MC2R: variants seen among roughly 807,000 people sequenced by gnomAD.
MC2R encodes the protein melanocortin 2 receptor, also known as adrenocorticotropic hormone receptor.
MC2R carries 9 observed loss-of-function variants against 9.8 expected under a neutral mutation model. The observed-to-expected ratio is 0.92, with a 90% confidence interval of 0.55 to 1.60. The LOEUF (loss-of-function observed/expected upper bound fraction) is 1.60, where lower values mean the gene tolerates loss of function less well. Among genes scored for constraint, MC2R ranks in the 40% most tolerant of loss-of-function variants. The probability of loss-of-function intolerance (pLI) is 0.00; values close to 1 mark genes in which losing one functional copy is unlikely to be tolerated. For missense variants in MC2R, 370 were observed against 389.0 expected (o/e 0.95, Z 0.41); for synonymous variants, 185 against 154.7 (o/e 1.20, Z -1.45).
intron 1 of MC2R, among the ~76,000 whole-genome samples, chr18:13,909,738 C>T (rs2045433980): frequency 6.6e-6 from 1 of 152,160 alleles, no homozygotes; most frequent in Non-Finnish European, 1.5e-5. Flanking sequence ...ATCGCTGTGG[C>T]TTTCTGGAAC....
intron 1 of MC2R, among the ~76,000 whole-genome samples, chr18:13,906,052 G>T (rs2045412406): frequency 6.6e-6 from 1 of 152,106 alleles, no homozygotes. Context: ...CCACCCTGGT[G>T]ACAGAGTAAG....
At chr18:13,885,719 G>T in intron 1 of MC2R, 73 bp from the exon 2 acceptor site, 1 of 604,808 alleles carries the variant, frequency 1.7e-6, no homozygotes, top group South Asian at 2.0e-5. Flanking sequence ...CTCGCTTAAA[G>T]AAACTCTATT....
intron 1 of MC2R, among the ~76,000 whole-genome samples, chr18:13,912,505 G>A (rs974392283): frequency 1.3e-5 from 2 of 152,154 alleles, no homozygotes; most frequent in Non-Finnish European, 2.9e-5. Context: ...GCTGTGGGAG[G>A]AGCTGGGAAC....
intron 1 of MC2R, among the ~76,000 whole-genome samples, chr18:13,893,812 A>G (rs1175498090): frequency 6.6e-6 from 1 of 152,238 alleles, no homozygotes; most frequent in Non-Finnish European, 1.5e-5. Context: ...ACTGACGTGG[A>G]GAGGCTGAGT....
At chr18:13,890,893 A>C (rs2045312150) in intron 1 of MC2R, among the ~76,000 whole-genome samples, 1 of 152,178 alleles carries the variant, frequency 6.6e-6, no homozygotes, top group South Asian at 2.1e-4. Flanking sequence ...AGATGATGGG[A>C]TTAGCAATGC....
chr18:13,912,198 A>G (rs1272205507), intron 1 of MC2R, among the ~76,000 whole-genome samples: 2 of 152,182 alleles, frequency 1.3e-5, no homozygotes, highest in Non-Finnish European at 2.9e-5. Context: ...TTCTCTTGCA[A>G]TGTTAAAGGT....
At chr18:13,898,233 T>A (rs2149139571) in intron 1 of MC2R, among the ~76,000 whole-genome samples, 1 of 152,306 alleles carries the variant, frequency 6.6e-6, no homozygotes, top group Admixed American at 6.5e-5. Context: ...GGTGGTAGGC[T>A]GGCAGTGTTC....
At chr18:13,894,218 T>G (rs1234752707) in intron 1 of MC2R, among the ~76,000 whole-genome samples, 1 of 152,116 alleles carries the variant, frequency 6.6e-6, no homozygotes, top group African/African-American at 2.4e-5. Context: ...AAAGTTTGAT[T>G]AGTGACAGGT....
chr18:13,892,846 A>ACC (rs1191516632), intron 1 of MC2R, among the ~76,000 whole-genome samples: 1 of 142,398 alleles, frequency 7.0e-6, no homozygotes, highest in Non-Finnish European at 1.5e-5. Flanking sequence ...ACACACACAC[A>ACC]CCACACACAC....
intron 1 of MC2R, among the ~76,000 whole-genome samples, chr18:13,906,093 AT>A (rs2045412696): frequency 6.6e-6 from 1 of 152,170 alleles, no homozygotes; most frequent in African/African-American, 2.4e-5. Flanking sequence ...AAAGAAAAAA[AT>A]ATATAAATCA....
intron 1 of MC2R, among the ~76,000 whole-genome samples, chr18:13,894,999 A>G (rs2045337902): frequency 6.6e-6 from 1 of 152,222 alleles, no homozygotes; most frequent in African/African-American, 2.4e-5. Context: ...CTTTAAGTGT[A>G]GATGTCTTGT....
rs1412054860 is a variant in MC2R, at chr18:13,885,626, A to C, written c.-108T>G. The C allele has an allele frequency of 1.6e-6, 2 of 1,269,806 alleles. No homozygotes were observed. The highest frequency in any genetic ancestry group is 2.3e-6 in the Non-Finnish European group (2 of 886,914). 78.7% of individuals were successfully genotyped at this position (1,269,806 alleles called of 1,614,324 possible). On this transcript the variant is annotated 5_prime_UTR_variant, in exon 2 of 2. Transcript: ENST00000327606. ...TCCTTGTAGCACTTGCTGGAGATCT[A>C]AGTTAAAATCTCCCAATCACCTAAA...
At chr18:13,906,671 C>A (rs1224060076) in intron 1 of MC2R, among the ~76,000 whole-genome samples, 2 of 152,116 alleles carry the variant, frequency 1.3e-5, no homozygotes, top group Non-Finnish European at 2.9e-5. Context: ...AGCTGACAAA[C>A]AAATTCAGTA....
intron 1 of MC2R, among the ~76,000 whole-genome samples, chr18:13,895,420 C>T (rs1230539452): frequency 6.6e-6 from 1 of 152,086 alleles, no homozygotes; most frequent in South Asian, 2.1e-4. Flanking sequence ...CTGCAGAGTC[C>T]CTGAAAACAG....
rs28926186 is a variant in MC2R, at chr18:13,882,963, C to CCAT, written c.*1659_*1661dup. The CCAT allele has an allele frequency of 6.6e-6, 1 of 152,198 alleles. No individual in the cohort carries two copies. Among genetic ancestry groups the CCAT allele is most frequent in the Admixed American group, 6.5e-5 (1 of 15,282 alleles). 9.4% of individuals were successfully genotyped at this position (152,198 alleles called of 1,614,324 possible). A position where few individuals can be genotyped will look rare whatever the true frequency, so the allele number is the denominator to read the frequency against. On this transcript the variant is annotated 3_prime_UTR_variant, in exon 2 of 2. Transcript: ENST00000327606. Reference sequence around the variant, plus strand: ...GGACAAGAAGGTGCACCTTTCACCTCCATCTGTGGGACAGGCCATGTGAAA... The same window carrying CCAT: ...GGACAAGAAGGTGCACCTTTCACCTCCATCATCTGTGGGACAGGCCATGTGAAA...
At chr18:13,890,517 T>G (rs1279979093) in intron 1 of MC2R, among the ~76,000 whole-genome samples, 4 of 152,114 alleles carry the variant, frequency 2.6e-5, no homozygotes, top group East Asian at 1.9e-4. Context: ...GTGGGAGCTG[T>G]CACGCGGCTG....
At position 13,885,630 on chromosome 18, in the gene MC2R, T is replaced by A; in HGVS notation, c.-112A>T. On this transcript the variant is annotated 5_prime_UTR_variant, in exon 2 of 2. Transcript: ENST00000327606. ...TGTAGCACTTGCTGGAGATCTAAGT[T>A]AAAATCTCCCAATCACCTAAAAGGG... The A allele has an allele frequency of 8.1e-7, 1 of 1,227,732 alleles. No homozygotes were observed. The highest frequency in any genetic ancestry group is 1.2e-6 in the Non-Finnish European group (1 of 850,136). The allele number at this position is 1,227,732 out of a possible 1,614,324, so 76.1% of individuals were successfully genotyped here.
At chr18:13,887,154 C>T (rs1212840492) in intron 1 of MC2R, among the ~76,000 whole-genome samples, 2 of 150,250 alleles carry the variant, frequency 1.3e-5, no homozygotes, top group East Asian at 2.0e-4. Context: ...GTCCCACCTG[C>T]TGGGGAAGCC....
intron 1 of MC2R, among the ~76,000 whole-genome samples, chr18:13,897,856 G>A (rs1160929872): frequency 1.3e-5 from 2 of 151,862 alleles, no homozygotes; most frequent in Non-Finnish European, 2.9e-5. Flanking sequence ...TTTAGGCCCT[G>A]AGCAACAACC....
Sources: gnomAD v4.1 joint callset for allele counts (sites outside exome capture counted in the v4.1 genomes callset) on GRCh38, gnomAD v4.1.1 for gene constraint, MANE v1.5 for transcripts, NCBI Gene and HGNC (gene_info 2026-07-23, HGNC 2026-07-21) for gene names.